ASIC2: variants seen among roughly 807,000 people sequenced by gnomAD.
ASIC2 encodes acid sensing ion channel subunit 2, also known as acid-sensing ion channel 2.
ASIC2 carries 25 observed loss-of-function variants against 57.3 expected under a neutral mutation model. The observed-to-expected ratio is 0.44, with a 90% confidence interval of 0.32 to 0.61. The LOEUF (loss-of-function observed/expected upper bound fraction) is 0.61, where lower values mean the gene tolerates loss of function less well. Ranked by LOEUF, ASIC2 falls within the 20% of genes least tolerant of loss-of-function variation. The pLI, the probability that ASIC2 is intolerant of heterozygous loss-of-function variation, is 0.06. For missense variants in ASIC2, 641 were observed against 738.1 expected (o/e 0.87, Z 1.52); for synonymous variants, 319 against 307.5 (o/e 1.04, Z -0.39).
At chr17:33,907,161 A>G (rs2141956903) in intron 1 of ASIC2, among the ~76,000 whole-genome samples, 2 of 152,286 alleles carry the variant, frequency 1.3e-5, no homozygotes, top group South Asian at 4.1e-4. Flanking sequence ...TGGAAGAGAA[A>G]CCAAGAACCC....
chr17:33,591,587 G>A (rs971605011), intron 1 of ASIC2, among the ~76,000 whole-genome samples: 3 of 152,132 alleles, frequency 2.0e-5, no homozygotes, highest in African/African-American at 7.2e-5. Flanking sequence ...AGGGGTAGTG[G>A]GTCTCACAAC....
chr17:34,092,604 G>A (rs894589192), intron 1 of ASIC2, among the ~76,000 whole-genome samples: 2 of 152,192 alleles, frequency 1.3e-5, no homozygotes, highest in Non-Finnish European at 2.9e-5. Flanking sequence ...CTGACTTCTA[G>A]AGGCAGTAAA....
At chr17:33,130,258 CCT>C (rs2092340559) in intron 1 of ASIC2, among the ~76,000 whole-genome samples, 1 of 152,092 alleles carries the variant, frequency 6.6e-6, no homozygotes, top group African/African-American at 2.4e-5. Flanking sequence ...GTTAAATTCT[CCT>C]CTTTTTCTCC....
intron 1 of ASIC2, among the ~76,000 whole-genome samples, chr17:34,011,558 C>T (rs1597973082): frequency 6.6e-6 from 1 of 152,134 alleles, no homozygotes; most frequent in South Asian, 2.1e-4. Flanking sequence ...CCCCGCCCTC[C>T]TCCCTAGCCC....
chr17:33,700,363 G>A (rs911659537), intron 1 of ASIC2, among the ~76,000 whole-genome samples: 2 of 152,094 alleles, frequency 1.3e-5, no homozygotes, highest in Non-Finnish European at 2.9e-5. Flanking sequence ...ATCTGTTCAG[G>A]AAATTAACAC....
chr17:33,757,665 A>G (rs530525132), intron 1 of ASIC2, among the ~76,000 whole-genome samples: 2 of 152,362 alleles, frequency 1.3e-5, no homozygotes, highest in Admixed American at 6.5e-5. Flanking sequence ...AAACAGGAGT[A>G]TACACAAGTA....
At chr17:33,459,914 TG>T (rs1423774503) in intron 1 of ASIC2, among the ~76,000 whole-genome samples, 4 of 152,050 alleles carry the variant, frequency 2.6e-5, no homozygotes, top group Admixed American at 6.5e-5. Flanking sequence ...ATTAATTAGG[TG>T]GCACCAAGTT....
chr17:33,233,814 A>G (rs1251321095), intron 1 of ASIC2, among the ~76,000 whole-genome samples: 1 of 152,238 alleles, frequency 6.6e-6, no homozygotes, highest in Non-Finnish European at 1.5e-5. Flanking sequence ...ACACACACAC[A>G]GATACACACA....
At chr17:33,778,792 T>C (rs1911361143) in intron 1 of ASIC2, among the ~76,000 whole-genome samples, 1 of 152,184 alleles carries the variant, frequency 6.6e-6, no homozygotes, top group Non-Finnish European at 1.5e-5. Context: ...TGAGATAATG[T>C]CTAGACTGCA....
rs3025231 is a variant in ASIC2 at position 33,045,784 on chromosome 17, C to T, written c.988-17392G>A. On this transcript the variant is annotated intron_variant, in intron 3 of 9. Transcript: ENST00000225823. The stretch of plus-strand genomic sequence containing the variant: ...CTCTGTCCTGCATTTTCTCCCCACA[C>T]GCCTTCTCCTCCTCCGTTTCCTCTT... 3.7e-3 allele frequency among the ~76,000 whole-genome samples: 562 copies of T among 152,322 alleles called. 3 individuals are homozygous for T. The highest frequency in any genetic ancestry group is 0.013 in the African/African-American group (532 of 41,562).
At chr17:33,618,160 T>C (rs1905667442) in intron 1 of ASIC2, among the ~76,000 whole-genome samples, 1 of 151,974 alleles carries the variant, frequency 6.6e-6, no homozygotes, top group African/African-American at 2.4e-5. Context: ...ATATTCTGCT[T>C]GTATGACAAT....
intron 1 of ASIC2, among the ~76,000 whole-genome samples, chr17:33,578,149 GC>G (rs1359372072): frequency 6.6e-6 from 1 of 152,108 alleles, no homozygotes; most frequent in Non-Finnish European, 1.5e-5. Flanking sequence ...GAGACCACCT[GC>G]CCTTATTTTA....
At chr17:33,588,416 C>T (rs183486776) in intron 1 of ASIC2, among the ~76,000 whole-genome samples, 6 of 152,302 alleles carry the variant, frequency 3.9e-5, no homozygotes, top group Admixed American at 3.9e-4. Context: ...TTTGAGGGCC[C>T]TTTCAGCTGG....
intron 1 of ASIC2, among the ~76,000 whole-genome samples, chr17:33,142,613 G>A (rs1025256691): frequency 2.6e-5 from 4 of 152,154 alleles, no homozygotes; most frequent in Non-Finnish European, 4.4e-5. Context: ...GGCTGGTATG[G>A]GGCTCTGGGG....
intron 1 of ASIC2, among the ~76,000 whole-genome samples, chr17:33,762,245 G>A (rs1403006030): frequency 6.6e-6 from 1 of 152,054 alleles, no homozygotes; most frequent in East Asian, 1.9e-4. Context: ...CACCACATTG[G>A]GTCCTGGGAC....
chr17:33,187,945 A>C (rs1906267873), intron 1 of ASIC2, among the ~76,000 whole-genome samples: 1 of 151,724 alleles, frequency 6.6e-6, no homozygotes, highest in South Asian at 2.1e-4. Flanking sequence ...AAAAAAAAGA[A>C]AAAACAGAAA....
chr17:34,055,568 C>T (rs555383364), intron 1 of ASIC2, among the ~76,000 whole-genome samples: 5 of 151,942 alleles, frequency 3.3e-5, no homozygotes, highest in African/African-American at 1.2e-4. Context: ...CAATTAACCC[C>T]CAAGAAACAA....
intron 1 of ASIC2, among the ~76,000 whole-genome samples, chr17:33,362,380 G>A (rs1052544391): frequency 6.6e-6 from 1 of 152,228 alleles, no homozygotes; most frequent in African/African-American, 2.4e-5. Flanking sequence ...TGGTGACACT[G>A]TAATACAGTC....
intron 1 of ASIC2, among the ~76,000 whole-genome samples, chr17:33,545,417 GA>G (rs1186738098): frequency 6.6e-6 from 1 of 151,962 alleles, no homozygotes; most frequent in Non-Finnish European, 1.5e-5. Context: ...CATTAAAATT[GA>G]AAAAAATTGT....
Sources: gnomAD v4.1 joint callset for allele counts (sites outside exome capture counted in the v4.1 genomes callset) on GRCh38, gnomAD v4.1.1 for gene constraint, MANE v1.5 for transcripts, NCBI Gene and HGNC (gene_info 2026-07-23, HGNC 2026-07-21) for gene names.